The following RALGPS1 variants were observed in gnomAD, a reference collection of about 807,000 sequenced individuals.
RALGPS1 encodes the protein Ral GEF with PH domain and SH3 binding motif 1.
RALGPS1 carries 19 observed loss-of-function variants against 78.8 expected under a neutral mutation model. The ratio of observed to expected loss-of-function variants is 0.24; its 90% CI spans 0.17 to 0.35. The LOEUF is 0.35. Ranked by LOEUF, RALGPS1 falls within the 10% of genes least tolerant of loss-of-function variation. The pLI is 1.00. For missense variants in RALGPS1, 454 were observed against 688.3 expected (o/e 0.66, Z 3.81); for synonymous variants, 228 against 256.3 (o/e 0.89, Z 1.06).
intron 11 of RALGPS1, among the ~76,000 whole-genome samples, chr9:127,181,606 A>G (rs1002695292): frequency 6.6e-6 from 1 of 152,244 alleles, no homozygotes; most frequent in Admixed American, 6.5e-5. Flanking sequence ...GGCAACTTCC[A>G]TGTAAGAATC....
At chr9:126,994,611 A>G (rs968721797) in intron 4 of RALGPS1, among the ~76,000 whole-genome samples, 5 of 152,242 alleles carry the variant, frequency 3.3e-5, no homozygotes, top group African/African-American at 9.6e-5. Flanking sequence ...ACTCTGCAGG[A>G]TATTATCCAG....
intron 8 of RALGPS1, among the ~76,000 whole-genome samples, chr9:127,152,489 A>G (rs1191115590): frequency 6.6e-6 from 1 of 152,218 alleles, no homozygotes; most frequent in East Asian, 1.9e-4. Context: ...CCCTCCGATC[A>G]GCTCCTACTG....
At chr9:126,992,204 A>G (rs2042339860) in intron 4 of RALGPS1, among the ~76,000 whole-genome samples, 1 of 152,200 alleles carries the variant, frequency 6.6e-6, no homozygotes, top group African/African-American at 2.4e-5. Flanking sequence ...TGGAAATTAT[A>G]ATATGACTAC....
intron 8 of RALGPS1, among the ~76,000 whole-genome samples, chr9:127,162,774 C>T (rs1364077252): frequency 3.3e-5 from 5 of 152,266 alleles, no homozygotes; most frequent in East Asian, 1.9e-4. Flanking sequence ...GCCCAGTGTC[C>T]GGCACCTGTT....
chr9:126,982,825 C>G (rs919911893), intron 4 of RALGPS1, among the ~76,000 whole-genome samples: 1 of 88,000 alleles, frequency 1.1e-5, no homozygotes, highest in Non-Finnish European at 3.2e-5. Flanking sequence ...CCTCCTTCTT[C>G]TTCCTCTTCT....
intron 9 of RALGPS1, among the ~76,000 whole-genome samples, chr9:127,167,255 A>G (rs1306511670): frequency 6.6e-6 from 1 of 152,206 alleles, no homozygotes; most frequent in Non-Finnish European, 1.5e-5. Flanking sequence ...GCCCCTCCAC[A>G]GCATCCCCAG....
chr9:127,217,478 T>C, intron 18 of RALGPS1: 1 of 979,260 alleles, frequency 1.0e-6, no homozygotes, highest in Non-Finnish European at 1.2e-6. Flanking sequence ...AGTGATTTTC[T>C]GTTCTGTGGA....
At chr9:127,162,250 A>G (rs2059063301) in intron 8 of RALGPS1, among the ~76,000 whole-genome samples, 1 of 152,176 alleles carries the variant, frequency 6.6e-6, no homozygotes, top group African/African-American at 2.4e-5. Context: ...CCTGATGGGG[A>G]GTCAGATTTG....
chr9:127,201,608 T>G (rs901374019), intron 14 of RALGPS1, among the ~76,000 whole-genome samples: 21 of 152,238 alleles, frequency 1.4e-4, no homozygotes, highest in African/African-American at 5.1e-4. Context: ...AAAATCTTCA[T>G]TGCCTGTGGC....
intron 1 of RALGPS1, among the ~76,000 whole-genome samples, chr9:126,950,123 T>C (rs1003080422): frequency 3.2e-4 from 48 of 152,350 alleles, no homozygotes; most frequent in African/African-American, 1.1e-3. Flanking sequence ...CAGATAGTTG[T>C]AGATACACGG....
intron 4 of RALGPS1, among the ~76,000 whole-genome samples, chr9:126,998,026 G>A (rs2042934871): frequency 6.6e-6 from 1 of 152,044 alleles, no homozygotes; most frequent in African/African-American, 2.4e-5. Context: ...AATTCAAGAT[G>A]GATTAAAGAC....
At chr9:126,980,927 C>G (rs2041191453) in intron 4 of RALGPS1, among the ~76,000 whole-genome samples, 1 of 152,194 alleles carries the variant, frequency 6.6e-6, no homozygotes, top group Admixed American at 6.5e-5. Context: ...TATTCCTAGG[C>G]TGTTCAGATC....
In RALGPS1 at chr9:127,093,944, CAT is replaced by C. The variant is rs764395775; in HGVS notation, c.610+24592_610+24593del. ...CCATGGGCCTGGGGACACAGACATG[CAT>C]ATACATCACAGACCTGCCTGTCACC... On this transcript the variant is annotated intron_variant, in intron 8 of 18. Transcript: ENST00000259351. The C allele has an allele frequency of 7.9e-5, 128 of 1,611,368 alleles. No individual in the cohort carries two copies. The African/African-American group carries it at 1.4e-3, about 18-fold the overall frequency.
intron 4 of RALGPS1, among the ~76,000 whole-genome samples, chr9:127,000,339 T>C (rs2043174144): frequency 6.6e-6 from 1 of 152,080 alleles, no homozygotes; most frequent in Non-Finnish European, 1.5e-5. Context: ...TGCTATAAAT[T>C]TTCTTCTAAG....
chr9:127,083,597 T>C (rs1589372397), intron 8 of RALGPS1, among the ~76,000 whole-genome samples: 1 of 152,228 alleles, frequency 6.6e-6, no homozygotes, highest in African/African-American at 2.4e-5. Context: ...GCCCATGGAC[T>C]TGGGGAGATA....
At chr9:127,149,483 TC>T (rs1487072936) in intron 8 of RALGPS1, among the ~76,000 whole-genome samples, 2 of 152,240 alleles carry the variant, frequency 1.3e-5, no homozygotes, top group Non-Finnish European at 2.9e-5. Context: ...AGACTTGTCT[TC>T]CTGAGCTCGT....
chr9:127,148,364 G>A (rs1268440250), intron 8 of RALGPS1, among the ~76,000 whole-genome samples: 1 of 152,246 alleles, frequency 6.6e-6, no homozygotes, highest in Non-Finnish European at 1.5e-5. Flanking sequence ...TCAGTGCTTG[G>A]CCATTGTCAG....
At chr9:126,990,733 A>G (rs1410201273) in intron 4 of RALGPS1, among the ~76,000 whole-genome samples, 2 of 152,168 alleles carry the variant, frequency 1.3e-5, no homozygotes, top group African/African-American at 2.4e-5. Flanking sequence ...GCACCCTCGT[A>G]CTGAAATATT....
intron 4 of RALGPS1, among the ~76,000 whole-genome samples, chr9:127,009,355 A>C (rs2044145564): frequency 6.6e-6 from 1 of 152,142 alleles, no homozygotes; most frequent in African/African-American, 2.4e-5. Context: ...TTTACTGTAC[A>C]GAGCAGTTCA....
Sources: allele counts gnomAD v4.1 joint callset (sites outside exome capture counted in the v4.1 genomes callset), GRCh38; gene constraint gnomAD v4.1.1; transcripts MANE v1.5; gene names NCBI Gene and HGNC (gene_info 2026-07-23, HGNC 2026-07-21).